Variants in PLEC observed in about 807,000 individuals in gnomAD.
The protein encoded by PLEC is plectin.
PLEC carries 216 observed loss-of-function variants against 392.8 expected under a neutral mutation model. The observed-to-expected ratio is 0.55, with a 90% CI of 0.49 to 0.62. The LOEUF (loss-of-function observed/expected upper bound fraction) is 0.62. Ranked by LOEUF, PLEC falls within the 20% of genes least tolerant of loss-of-function variation. The pLI is 0.00. For synonymous variants in PLEC, 3,621 were observed against 2,980.6 expected (o/e 1.21, Z -7.00); for missense variants, 6,863 against 6,563.4 (o/e 1.05, Z -1.58).
chr8:143,972,582 G>T (rs1051817658), intron 1 of PLEC, among the ~76,000 whole-genome samples: 1 of 152,258 alleles, frequency 6.6e-6, no homozygotes, highest in Non-Finnish European at 1.5e-5. Context: ...GCTGGAGTCT[G>T]CTCTGATCGG....
At position 143,925,007 on chromosome 8, in the gene PLEC, G is replaced by A. The variant is rs1554700268; in HGVS notation, c.4922C>T (p.Ala1641Val). ...CTCCGCCTGCAGCCGCAGCCGTAGC[G>A]CCTCGTTGGCCTTGAGCTGCCAGCG... ...LERWQLKANE[A>V]LRLRLQAEEV... is the part of the protein sequence containing the mutation. Residue 1641 changes from alanine to valine, a missense_variant, in exon 31 of 32, where the codon GCG becomes GTG. Coordinates refer to ENST00000345136, the MANE Select transcript of PLEC (RefSeq NM_201384.3). The A allele has an allele frequency of 2.5e-6, 4 of 1,570,910 alleles. No individual in the cohort carries two copies. Among genetic ancestry groups the A allele is most frequent in the East Asian group, 2.3e-5 (1 of 43,144 alleles).
At position 143,944,809 on chromosome 8, in the gene PLEC, G is replaced by A. The variant is rs566330883; in HGVS notation, c.523+5375C>T. ...CGTGCTGCTGTCAGCAGCAGCTTGT[G>A]GGGGAGGGGAGCAGTGGGCAGGGGC... On this transcript the variant is annotated intron_variant, in intron 1 of 31. Transcript: ENST00000322810. 21 of 849,046 alleles carry A rather than the reference G, an allele frequency of 2.5e-5. No individual in the cohort carries two copies. In the East Asian group the frequency reaches 3.3e-4, roughly 14 times the overall value. 52.6% of individuals were successfully genotyped at this position (849,046 alleles called of 1,614,324 possible). A position where few individuals can be genotyped will look rare whatever the true frequency, so the allele number is the denominator to read the frequency against.
At chr8:143,970,994 G>A (rs1833398675) in intron 1 of PLEC, among the ~76,000 whole-genome samples, 1 of 152,228 alleles carries the variant, frequency 6.6e-6, no homozygotes, top group South Asian at 2.1e-4. Context: ...CCTGGATGGG[G>A]GACAGGGAGA....
Position 143,932,885 on chromosome 8 carries a change from G to A in PLEC, c.1645C>T (p.Pro549Ser). Reference protein sequence around the residue: ...VDGAEWGVDLPSVEAQLGSHR... With the variant: ...VDGAEWGVDLSSVEAQLGSHR... Reference sequence around the variant, plus strand: ...CTGCCCAGCTGCGCCTCCACGCTGGGCAGGTCCACACCCCACTCAGCGCCA... The same window carrying A: ...CTGCCCAGCTGCGCCTCCACGCTGGACAGGTCCACACCCCACTCAGCGCCA... Residue 549 changes from proline (P) to serine (S), a missense_variant, in exon 14 of 32, where the codon CCC becomes TCC. Coordinates refer to ENST00000345136, the MANE Select transcript of PLEC (RefSeq NM_201384.3). 1 of 1,612,516 alleles carries A rather than the reference G, an allele frequency of 6.2e-7. No individual in the cohort carries two copies. Among genetic ancestry groups the A allele is most frequent in the Non-Finnish European group, 8.5e-7 (1 of 1,179,884 alleles).
chr8:143,927,188 A>G, intron 28 of PLEC, 64 bp downstream of exon 28: 5 of 1,583,772 alleles, frequency 3.2e-6, no homozygotes, highest in Non-Finnish European at 4.3e-6. Flanking sequence ...GGCTCAGGGA[A>G]AGCCCGCCAT....
At chr8:143,945,546 C>G (rs1169883116) in intron 1 of PLEC, among the ~76,000 whole-genome samples, 1 of 152,232 alleles carries the variant, frequency 6.6e-6, no homozygotes, top group Non-Finnish European at 1.5e-5. Context: ...TGCACGTTGA[C>G]GGTATACCCC....
In PLEC at chr8:143,916,636, G is replaced by T. The variant is rs782028066; in HGVS notation, c.13185C>A (p.Gly4395=). The change falls in exon 32 of 32, where the codon GGC becomes GGA. Residue 4395 remains glycine (G), a synonymous_variant. Coordinates refer to ENST00000345136, the MANE Select transcript of PLEC (RefSeq NM_201384.3). ...QRFLEVQYLT[G]GLIEPDTPGR... Reference sequence around the variant, plus strand: ...CCGGCGTGTCGGGCTCGATCAAGCCGCCGGTCAGGTACTGCACCTCCAGGA... The same window carrying T: ...CCGGCGTGTCGGGCTCGATCAAGCCTCCGGTCAGGTACTGCACCTCCAGGA... 7 of 1,610,306 alleles carry T rather than the reference G, an allele frequency of 4.3e-6. No homozygotes were observed. In the Admixed American group the frequency reaches 6.7e-5, roughly 15 times the overall value.
At chr8:143,933,906 G>C in intron 12 of PLEC, 92 bp downstream of exon 12, 1 of 1,164,968 alleles carries the variant, frequency 8.6e-7, no homozygotes, top group South Asian at 1.3e-5. Context: ...CAGGAGCCCA[G>C]GGGGACAGCC....
intron 18 of PLEC, 48 bp downstream of exon 18, chr8:143,931,889 T>A (rs782085018): frequency 6.5e-7 from 1 of 1,535,426 alleles, no homozygotes; most frequent in African/African-American, 1.4e-5. Flanking sequence ...CAGGGGCTCC[T>A]GCAAGGCTGC....
rs782036845 is a variant in PLEC, at chr8:143,922,339, G to C, written c.7482C>G (p.Ser2494Arg). 6.2e-7 allele frequency: 1 copy of C among 1,606,166 alleles called. No individual in the cohort carries two copies. Among genetic ancestry groups the C allele is most frequent in the South Asian group, 1.1e-5 (1 of 91,082 alleles). The change falls in exon 32 of 32, where the codon AGC becomes AGG. Residue 2494 changes from serine (S) to arginine (R), a missense_variant. Coordinates refer to ENST00000345136, the MANE Select transcript of PLEC (RefSeq NM_201384.3). ...GCAGGCTGTCCTTTTCAGAGAGGAA[G>C]CTTTGCTGCAGGGCCTGCGTCTCCT... ...LLQETQALQQ[S>R]FLSEKDSLLQ...
At position 143,915,227 on chromosome 8, in the gene PLEC, C is replaced by G. The variant is rs1348786477; in HGVS notation, c.*950G>C. 1 of 152,590 alleles carries G rather than the reference C, an allele frequency of 6.6e-6. No homozygotes were observed. Among genetic ancestry groups the G allele is most frequent in the Non-Finnish European group, 1.5e-5 (1 of 68,116 alleles). The allele number at this position is 152,590 out of a possible 1,614,324, so 9.5% of individuals were successfully genotyped here. A position where few individuals can be genotyped will look rare whatever the true frequency, so the allele number is the denominator to read the frequency against. On this transcript the variant is annotated 3_prime_UTR_variant, in exon 32 of 32. Transcript: ENST00000345136. The stretch of plus-strand genomic sequence containing the variant: ...CGGTCAGGTTAGTGTTCTGCCCTTG[C>G]AGAGGCGCCAGCAGCCTGACACCTC...
upstream of PLEC, chr8:143,950,925 C>G: frequency 1.0e-5 from 10 of 953,712 alleles, no homozygotes; most frequent in South Asian, 1.4e-4. Flanking sequence ...CCTGCCGGCA[C>G]TGCCGGCTGC....
At chr8:143,952,890 G>A (rs1832334091), upstream of PLEC, among the ~76,000 whole-genome samples, 1 of 151,998 alleles carries the variant, frequency 6.6e-6, no homozygotes, top group African/African-American at 2.4e-5. Context: ...CCACCAGCCA[G>A]GGGCCTGCAG....
intron 25 of PLEC, among the ~76,000 whole-genome samples, chr8:143,928,657 G>A (rs973266085): frequency 7.8e-6 from 1 of 128,484 alleles, no homozygotes; most frequent in South Asian, 2.1e-4. Flanking sequence ...GTTCTGTGAG[G>A]AGTAGACAGC....
chr8:143,943,158 G>C (rs1830819040), upstream of PLEC, among the ~76,000 whole-genome samples: 1 of 152,222 alleles, frequency 6.6e-6, no homozygotes, highest in African/African-American at 2.4e-5. Context: ...GAGCCAGGCA[G>C]CGCCCTCACT....
At chr8:143,937,596 G>A (rs1829397124) in intron 3 of PLEC, 12 of 506,052 alleles carry the variant, frequency 2.4e-5, no homozygotes, top group Middle Eastern at 1.1e-3. Flanking sequence ...CCAGCTCTGG[G>A]CAGCACGGTG....
chr8:143,950,127 C>T (rs781983703), intron 1 of PLEC: 540 of 1,457,246 alleles, frequency 3.7e-4, no homozygotes, highest in Non-Finnish European at 4.7e-4. Flanking sequence ...GCCCAAGACC[C>T]GACAACCAGA....
At position 143,917,429 on chromosome 8, in the gene PLEC, G is replaced by A. The variant is rs1820933463; in HGVS notation, c.12392C>T (p.Ser4131Phe). 6.2e-7 allele frequency: 1 copy of A among 1,613,152 alleles called. No homozygotes were observed. Among genetic ancestry groups the A allele is most frequent in the African/African-American group, 1.3e-5 (1 of 74,898 alleles). The change falls in exon 32 of 32, where the codon TCC becomes TTC. Residue 4131 changes from serine to phenylalanine, a missense_variant. Transcript: ENST00000345136. Reference sequence around the variant, plus strand: ...GCGCTTGCGCACGGAGGACTTGGAGGACGTCTTCCGCTCCCGCTTCTTCTC... The same window carrying A: ...GCGCTTGCGCACGGAGGACTTGGAGAACGTCTTCCGCTCCCGCTTCTTCTC... The part of the protein sequence containing the change: ...LKEKKRERKT[S>F]SKSSVRKRRV...
Position 143,930,555 on chromosome 8 carries a change from A to G in PLEC, c.2305-19T>C, listed in dbSNP as rs1293704622. 1.1e-5 allele frequency: 18 copies of G among 1,573,150 alleles called. No homozygotes were observed. The highest frequency in any genetic ancestry group is 1.8e-5 in the Admixed American group (1 of 54,936). ...TCTCGTCCTGTGGGGGAGGGGCAGC[A>G]TCCAGACGAGGGCCATGGAGACCCA... On this transcript the variant is annotated intron_variant, in intron 19 of 31. Coordinates refer to ENST00000345136, the MANE Select transcript of PLEC (RefSeq NM_201384.3).
Sources: gnomAD v4.1 joint callset for allele counts (sites outside exome capture counted in the v4.1 genomes callset) on GRCh38, gnomAD v4.1.1 for gene constraint, MANE v1.5 for transcripts, NCBI Gene and HGNC (gene_info 2026-07-23, HGNC 2026-07-21) for gene names.